Variants in HNRNPA1L2 observed in about 807,000 individuals in gnomAD.
The protein encoded by HNRNPA1L2 is heterogeneous nuclear ribonucleoprotein A1 like 2, also known as heterogeneous nuclear ribonucleoprotein A1-like 2.
HNRNPA1L2 carries 10 observed loss-of-function variants against 18.2 expected under a neutral mutation model. That is an observed-to-expected ratio of 0.55 (90% CI 0.34 to 0.93). The LOEUF (loss-of-function observed/expected upper bound fraction) is 0.93, where lower values mean the gene tolerates loss of function less well. Ranked by LOEUF, HNRNPA1L2 falls within the 40% of genes least tolerant of loss-of-function variation. The probability of loss-of-function intolerance (pLI) is 0.02; values close to 1 mark genes in which losing one functional copy is unlikely to be tolerated. For missense variants in HNRNPA1L2, 308 were observed against 394.4 expected (o/e 0.78, Z 1.85); for synonymous variants, 124 against 138.6 (o/e 0.89, Z 0.74).
At position 52,642,961 on chromosome 13, in the gene HNRNPA1L2, G is replaced by A. The variant is rs1448241712; in HGVS notation, c.469G>A (p.Asp157Asn). Reference protein sequence around the residue: ...GFAFVTFDDHDSVDKIVIQKY... With the variant: ...GFAFVTFDDHNSVDKIVIQKY... ...TGCCTTTGTAACCTTTGACGACCAT[G>A]ACTCCGTGGATAAGATTGTCATTCA... The change falls in exon 1 of 1, where the codon GAC becomes AAC. Residue 157 changes from aspartate (D) to asparagine (N), a missense_variant. Asp to Asn is a conservative substitution (Grantham distance 23, BLOSUM62 1). Transcript: ENST00000357495. 1 of 1,597,172 alleles carries A rather than the reference G, an allele frequency of 6.3e-7. No individual in the cohort carries two copies. Among genetic ancestry groups the A allele is most frequent in the Non-Finnish European group, 8.5e-7 (1 of 1,179,816 alleles).
chr13:52,634,523 C>T, the HNRNPA1L2 span, among the ~76,000 whole-genome samples: 1 of 152,028 alleles, frequency 6.6e-6, no homozygotes, highest in Non-Finnish European at 1.5e-5. Context: ...TTTTTGTTTC[C>T]AGTTAAGTAG....
the HNRNPA1L2 span, among the ~76,000 whole-genome samples, chr13:52,634,598 A>G: frequency 3.3e-5 from 5 of 152,188 alleles, no homozygotes; most frequent in African/African-American, 7.2e-5. Flanking sequence ...TACCATCCCA[A>G]ATAATGCTGG....
the HNRNPA1L2 span, among the ~76,000 whole-genome samples, chr13:52,625,201 G>A: frequency 2.0e-5 from 3 of 148,258 alleles, no homozygotes; most frequent in Admixed American, 6.7e-5. Flanking sequence ...TGCAACCTCC[G>A]CCTTCTAGGT....
At chr13:52,630,135 A>T in the HNRNPA1L2 span, among the ~76,000 whole-genome samples, 1 of 152,174 alleles carries the variant, frequency 6.6e-6, no homozygotes, top group Non-Finnish European at 1.5e-5. Flanking sequence ...TGTCTTACAT[A>T]GTTATTTTAG....
At chr13:52,637,227 A>C in the HNRNPA1L2 span, 2 of 154,690 alleles carry the variant, frequency 1.3e-5, no homozygotes, top group African/African-American at 4.8e-5. Context: ...ATACACGATC[A>C]ATTCAGGATT....
the HNRNPA1L2 span, among the ~76,000 whole-genome samples, chr13:52,635,501 T>G: frequency 1.3e-5 from 2 of 151,920 alleles, no homozygotes. Context: ...AATATATAAC[T>G]TGACTAGTTT....
the HNRNPA1L2 span, among the ~76,000 whole-genome samples, chr13:52,619,919 CAAAAAAAAAAAAA>C: frequency 1.4e-5 from 1 of 69,148 alleles, no homozygotes; most frequent in African/African-American, 5.6e-5. Flanking sequence ...GATTCCGTCT[CAAAAAAAAAAAAA>C]AAAAAAAAAA....
At chr13:52,642,211 AATGACTTAGTC>A, upstream of HNRNPA1L2, 1 of 452,518 alleles carries the variant, frequency 2.2e-6, no homozygotes, top group Non-Finnish European at 3.9e-6. Flanking sequence ...GATTACCACA[AATGACTTAGTC>A]ATGTGCTGGA....
In HNRNPA1L2 at chr13:52,643,322, AG is replaced by A. The variant is rs759461472; in HGVS notation, c.833del (p.Gly278GlufsTer45). 1 of 1,589,832 alleles carries A rather than the reference AG, an allele frequency of 6.3e-7. No individual in the cohort carries two copies. Among genetic ancestry groups the A allele is most frequent in the African/African-American group, 1.3e-5 (1 of 74,516 alleles). On this transcript the variant is annotated frameshift_variant, in exon 1 of 1. Transcript: ENST00000357495. LOFTEE classifies it high-confidence loss of function. ...CAGTCTTCAAATTTTGGACCCATGA[AG>A]GGAGGAAATTTTGGAGGCAGAAGCT... ...NNQSSNFGPMKGGNFGGRSSG... is the reference protein window; with the variant it reads ...NNQSSNFGPMXGGNFGGRSSG...
the HNRNPA1L2 span, among the ~76,000 whole-genome samples, chr13:52,634,723 A>T: frequency 6.6e-6 from 1 of 152,198 alleles, no homozygotes; most frequent in South Asian, 2.1e-4. Flanking sequence ...CAAAGGATAT[A>T]GTCATAGGCC....
At chr13:52,634,827 C>T in the HNRNPA1L2 span, among the ~76,000 whole-genome samples, 1 of 152,102 alleles carries the variant, frequency 6.6e-6, no homozygotes, top group African/African-American at 2.4e-5. Context: ...TTCTGCCTCA[C>T]TAACCTTTCC....
At chr13:52,639,146 C>A (rs1479208384), upstream of HNRNPA1L2, among the ~76,000 whole-genome samples, 1 of 152,128 alleles carries the variant, frequency 6.6e-6, no homozygotes, top group Non-Finnish European at 1.5e-5. Context: ...GATGCACATT[C>A]AGTAGAAAGT....
At chr13:52,621,684 C>A in the HNRNPA1L2 span, among the ~76,000 whole-genome samples, 1 of 152,096 alleles carries the variant, frequency 6.6e-6, no homozygotes, top group South Asian at 2.1e-4. Flanking sequence ...GTGTCTTAGG[C>A]CTTAATGGGC....
chr13:52,625,069 T>G, the HNRNPA1L2 span, among the ~76,000 whole-genome samples: 1 of 151,974 alleles, frequency 6.6e-6, no homozygotes, highest in Non-Finnish European at 1.5e-5. Context: ...AAAGTATGTA[T>G]TCATGAAATA....
At chr13:52,628,716 A>G in the HNRNPA1L2 span, among the ~76,000 whole-genome samples, 2 of 151,864 alleles carry the variant, frequency 1.3e-5, no homozygotes, top group African/African-American at 4.8e-5. Flanking sequence ...AAAAATTGTA[A>G]TGTTCTGTTA....
chr13:52,631,356 C>A, the HNRNPA1L2 span, among the ~76,000 whole-genome samples: 18 of 152,332 alleles, frequency 1.2e-4, no homozygotes, highest in Non-Finnish European at 2.4e-4. Context: ...CGTATAAACT[C>A]TCTGGTACAT....
chr13:52,643,651 G>C lies in HNRNPA1L2; in HGVS notation c.*196G>C. ...GTATTTGTGACTAATTGTATAACAG[G>C]TTATTTTAGTTTCTGTTCTGTGGAA... is the stretch of plus-strand genomic sequence containing the variant. On this transcript the variant is annotated 3_prime_UTR_variant, in exon 1 of 1. Coordinates refer to ENST00000357495, the MANE Select transcript of HNRNPA1L2 (RefSeq NM_001389320.1). The C allele has an allele frequency of 4.9e-6, 3 of 608,158 alleles. No homozygotes were observed. Among genetic ancestry groups the C allele is most frequent in the Non-Finnish European group, 8.8e-6 (3 of 342,672 alleles). The allele number at this position is 608,158 out of a possible 1,614,324, so 37.7% of individuals were successfully genotyped here. A position where few individuals can be genotyped will look rare whatever the true frequency, so the allele number is the denominator to read the frequency against.
At chr13:52,638,358 A>G (rs1961528714), upstream of HNRNPA1L2, among the ~76,000 whole-genome samples, 1 of 152,198 alleles carries the variant, frequency 6.6e-6, no homozygotes, top group Non-Finnish European at 1.5e-5. Context: ...AAATTTTTCT[A>G]ATTTTTACTA....
the HNRNPA1L2 span, among the ~76,000 whole-genome samples, chr13:52,625,159 G>C: frequency 6.6e-6 from 1 of 151,308 alleles, no homozygotes; most frequent in Non-Finnish European, 1.5e-5. Flanking sequence ...TTTTTGCCCA[G>C]GCTGGAGTGC....
Sources: gnomAD v4.1 joint callset for allele counts (sites outside exome capture counted in the v4.1 genomes callset) on GRCh38, gnomAD v4.1.1 for gene constraint, MANE v1.5 for transcripts, NCBI Gene and HGNC (gene_info 2026-07-23, HGNC 2026-07-21) for gene names.